KDM4C: variants seen among roughly 807,000 people sequenced by gnomAD.
The protein encoded by KDM4C is lysine-specific demethylase 4C.
In KDM4C, 81 loss-of-function variants were observed where a neutral mutation model predicts 129.3. The ratio of observed to expected loss-of-function variants is 0.63; its 90% CI spans 0.52 to 0.75. KDM4C has a LOEUF of 0.75. Ranked by LOEUF, KDM4C falls within the 30% of genes least tolerant of loss-of-function variation. The probability of loss-of-function intolerance (pLI) is 0.00; values close to 1 mark genes in which losing one functional copy is unlikely to be tolerated. For synonymous variants in KDM4C, 573 were observed against 456.1 expected (o/e 1.26, Z -3.26); for missense variants, 1,457 against 1,304.0 (o/e 1.12, Z -1.81).
intron 4 of KDM4C, among the ~76,000 whole-genome samples, chr9:6,845,373 C>A (rs1165211244): frequency 6.6e-6 from 1 of 152,146 alleles, no homozygotes; most frequent in Non-Finnish European, 1.5e-5. Context: ...AGGCACCACA[C>A]CTGGCTAATT....
chr9:6,936,661 T>C (rs1334902467), intron 8 of KDM4C, among the ~76,000 whole-genome samples: 1 of 152,242 alleles, frequency 6.6e-6, no homozygotes, highest in Non-Finnish European at 1.5e-5. Context: ...TTCTGTTCTC[T>C]GGAAGCCAGT....
intron 5 of KDM4C, among the ~76,000 whole-genome samples, chr9:6,873,750 A>G (rs1461105310): frequency 1.3e-5 from 2 of 152,170 alleles, no homozygotes; most frequent in African/African-American, 2.4e-5. Context: ...TTGTTGTAGC[A>G]CTTTTAATTT....
intron 8 of KDM4C, among the ~76,000 whole-genome samples, chr9:6,957,029 C>G (rs974776029): frequency 4.6e-5 from 7 of 152,072 alleles, no homozygotes; most frequent in African/African-American, 1.7e-4. Context: ...TTACGATGGA[C>G]AAGGGACCAG....
In KDM4C at chr9:6,792,969, C is replaced by T. The variant is rs777380152; in HGVS notation, c.-17-3C>T. ...TCTGTTGACCCTACTGTCTTCTCTCCAGACACTGCCCTAACCATCATGGAG... is the reference window on the plus strand; with the variant it reads ...TCTGTTGACCCTACTGTCTTCTCTCTAGACACTGCCCTAACCATCATGGAG... On this transcript the variant is annotated splice_polypyrimidine_tract_variant and splice_region_variant and intron_variant, in intron 1 of 21. Coordinates refer to ENST00000381309, the MANE Select transcript of KDM4C (RefSeq NM_015061.6). The T allele has an allele frequency of 7.4e-6, 12 of 1,613,838 alleles. No individual in the cohort carries two copies. The highest frequency in any genetic ancestry group is 1.7e-5 in the Admixed American group (1 of 59,964).
At chr9:7,150,226 C>CTTAA (rs1451298170) in intron 19 of KDM4C, among the ~76,000 whole-genome samples, 1 of 152,190 alleles carries the variant, frequency 6.6e-6, no homozygotes, top group African/African-American at 2.4e-5. Flanking sequence ...TCACCTCTTT[C>CTTAA]TTTAAGGCCT....
intron 1 of KDM4C, among the ~76,000 whole-genome samples, chr9:6,735,497 A>G (rs1169658027): frequency 1.3e-5 from 2 of 152,176 alleles, no homozygotes; most frequent in African/African-American, 4.8e-5. Context: ...TGATTGAATT[A>G]TGGGTCAGGG....
Position 6,792,645 on chromosome 9 carries a change from C to G in KDM4C, c.-17-327C>G, listed in dbSNP as rs369507640. Among the ~76,000 whole-genome samples the G allele has an allele frequency of 2.6e-5, 4 of 152,222 alleles. No individual in the cohort carries two copies. In the East Asian group the frequency reaches 5.8e-4, roughly 22 times the overall value. Reference sequence around the variant, plus strand: ...CTTGTGATCTGCCCGTCTTGGCCCCCCAAAGTGCTGAGATTACAGGCGTGA... The same window carrying G: ...CTTGTGATCTGCCCGTCTTGGCCCCGCAAAGTGCTGAGATTACAGGCGTGA... On this transcript the variant is annotated intron_variant, in intron 1 of 21. Transcript: ENST00000381309.
At chr9:6,772,570 A>T (rs1213837447) in intron 1 of KDM4C, among the ~76,000 whole-genome samples, 1 of 152,176 alleles carries the variant, frequency 6.6e-6, no homozygotes, top group African/African-American at 2.4e-5. Context: ...CATGTTGGTC[A>T]GGCTGGTCTT....
chr9:6,863,566 G>A (rs1247575396), intron 5 of KDM4C, among the ~76,000 whole-genome samples: 1 of 152,048 alleles, frequency 6.6e-6, no homozygotes, highest in East Asian at 1.9e-4. Context: ...GGAGGCGGAG[G>A]TGGGCGGATC....
At chr9:7,032,766 A>G (rs1312544558) in intron 15 of KDM4C, among the ~76,000 whole-genome samples, 1 of 152,226 alleles carries the variant, frequency 6.6e-6, no homozygotes, top group African/African-American at 2.4e-5. Context: ...TGGAGGGGAA[A>G]GAAGGCCAAG....
chr9:6,850,712 A>G (rs1442049617), intron 5 of KDM4C, among the ~76,000 whole-genome samples: 2 of 151,538 alleles, frequency 1.3e-5, no homozygotes, highest in African/African-American at 4.9e-5. Context: ...GATTACAGGC[A>G]TGAGCCACCA....
intron 19 of KDM4C, among the ~76,000 whole-genome samples, chr9:7,156,013 A>G (rs1381466076): frequency 2.6e-5 from 4 of 152,158 alleles, no homozygotes; most frequent in African/African-American, 9.7e-5. Flanking sequence ...CATCCTCTCC[A>G]GCATCTGTTG....
chr9:7,059,750 CA>C (rs1314128070), intron 17 of KDM4C, among the ~76,000 whole-genome samples: 1 of 152,112 alleles, frequency 6.6e-6, no homozygotes, highest in African/African-American at 2.4e-5. Context: ...CAGAGATTGG[CA>C]AAAATTTAAA....
intron 1 of KDM4C, among the ~76,000 whole-genome samples, chr9:6,789,029 G>C (rs1244758681): frequency 2.6e-5 from 4 of 151,540 alleles, no homozygotes; most frequent in Non-Finnish European, 5.9e-5. Context: ...TTAGGTGAGG[G>C]CCAGATCCAG....
At chr9:7,161,315 G>C (rs551631268) in intron 19 of KDM4C, among the ~76,000 whole-genome samples, 4 of 152,140 alleles carry the variant, frequency 2.6e-5, no homozygotes, top group Non-Finnish European at 4.4e-5. Context: ...CCCTGCTTCA[G>C]CTTGCCCTCT....
At chr9:6,791,360 G>A (rs750112913) in intron 1 of KDM4C, among the ~76,000 whole-genome samples, 13 of 152,106 alleles carry the variant, frequency 8.5e-5, no homozygotes, top group Non-Finnish European at 1.8e-4. Context: ...TGATATGCCC[G>A]CCTCCAAAGT....
chr9:7,043,604 C>G (rs186765320), intron 15 of KDM4C, among the ~76,000 whole-genome samples: 1 of 151,762 alleles, frequency 6.6e-6, no homozygotes, highest in Non-Finnish European at 1.5e-5. Context: ...ATGTTTTTAC[C>G]AGATCAACTA....
intron 8 of KDM4C, among the ~76,000 whole-genome samples, chr9:6,966,005 A>G (rs1222661673): frequency 6.6e-6 from 1 of 152,248 alleles, no homozygotes; most frequent in African/African-American, 2.4e-5. Flanking sequence ...GATAAAAAGC[A>G]TATGACCATT....
At chr9:7,128,353 A>G (rs1463696746) in intron 19 of KDM4C, 117 bp downstream of exon 19, 2 of 664,454 alleles carry the variant, frequency 3.0e-6, no homozygotes, top group African/African-American at 1.9e-5. Context: ...CACTTGGTTC[A>G]TAGACTTTAT....
Sources: allele counts gnomAD v4.1 joint callset (sites outside exome capture counted in the v4.1 genomes callset), GRCh38; gene constraint gnomAD v4.1.1; transcripts MANE v1.5; gene names NCBI Gene and HGNC (gene_info 2026-07-23, HGNC 2026-07-21).